The following ANGPT1 variants were observed in gnomAD, a reference collection of about 807,000 sequenced individuals.
ANGPT1 encodes the protein angiopoietin-1.
ANGPT1 carries 17 observed loss-of-function variants against 62.2 expected under a neutral mutation model. The observed-to-expected ratio is 0.27, with a 90% CI of 0.19 to 0.41. The LOEUF is 0.41. Ranked by LOEUF, ANGPT1 falls within the 10% of genes least tolerant of loss-of-function variation. ANGPT1 has a pLI of 1.00. For missense variants in ANGPT1, 478 were observed against 594.9 expected, an observed-to-expected ratio of 0.80 and a Z score of 2.04; for synonymous variants, 199 against 198.9, an observed-to-expected ratio of 1.00 and a Z score of 0.00.
At chr8:107,491,898 C>T (rs1292121465) in intron 1 of ANGPT1, among the ~76,000 whole-genome samples, 1 of 152,080 alleles carries the variant, frequency 6.6e-6, no homozygotes, top group Non-Finnish European at 1.5e-5. Flanking sequence ...TGAAATGGTA[C>T]AGTCAGGGGT....
intron 8 of ANGPT1, among the ~76,000 whole-genome samples, chr8:107,258,791 T>C (rs1488700311): frequency 6.6e-6 from 1 of 152,214 alleles, no homozygotes; most frequent in Non-Finnish European, 1.5e-5. Context: ...CATCTCTTTG[T>C]TCCATGCTGG....
At chr8:107,341,991 C>A (rs1356770539) in intron 2 of ANGPT1, among the ~76,000 whole-genome samples, 1 of 152,108 alleles carries the variant, frequency 6.6e-6, no homozygotes, top group East Asian at 1.9e-4. Context: ...TCTCTCCCTG[C>A]CCCTGCCCCC....
intron 1 of ANGPT1, among the ~76,000 whole-genome samples, chr8:107,485,042 T>G (rs553914322): frequency 6.6e-6 from 1 of 152,260 alleles, no homozygotes; most frequent in East Asian, 1.9e-4. Flanking sequence ...AACTTAATAG[T>G]TTCCTGCACA....
At chr8:107,333,633 TGTTTGGGATCAGAA>T (rs1451431655) in intron 3 of ANGPT1, among the ~76,000 whole-genome samples, 2 of 152,060 alleles carry the variant, frequency 1.3e-5, no homozygotes, top group Admixed American at 6.5e-5. Flanking sequence ...GGCACAAATA[TGTTTGGGATCAGAA>T]GTCAGATTCC....
At chr8:107,366,850 C>G (rs1816284124) in intron 1 of ANGPT1, among the ~76,000 whole-genome samples, 1 of 151,040 alleles carries the variant, frequency 6.6e-6, no homozygotes, top group Non-Finnish European at 1.5e-5. Flanking sequence ...AATGGCACTA[C>G]AGGTTCTATT....
intron 4 of ANGPT1, among the ~76,000 whole-genome samples, chr8:107,317,693 T>C (rs1405217924): frequency 1.3e-5 from 2 of 151,366 alleles, no homozygotes; most frequent in Admixed American, 6.6e-5. Context: ...TGCAGTGGCG[T>C]GATCTCAGCT....
At chr8:107,342,226 C>A (rs1046873682) in intron 2 of ANGPT1, among the ~76,000 whole-genome samples, 3 of 152,148 alleles carry the variant, frequency 2.0e-5, no homozygotes, top group Non-Finnish European at 4.4e-5. Context: ...GCATATTGCC[C>A]TCAGGCTTGG....
intron 7 of ANGPT1, among the ~76,000 whole-genome samples, chr8:107,273,177 C>T (rs963294097): frequency 5.9e-5 from 9 of 152,024 alleles, no homozygotes; most frequent in South Asian, 2.1e-4. Flanking sequence ...AACAAATTCT[C>T]GGGAGGTAGA....
chr8:107,321,996 T>C lies in ANGPT1; in HGVS notation c.708A>G (p.Gln236=). Reference sequence around the variant, plus strand: ...TGTTGTTGGTGGTAGCTCTGTTTAATTGCTTTTCCAGCTCCTGGATTATAT... The same window carrying C: ...TGTTGTTGGTGGTAGCTCTGTTTAACTGCTTTTCCAGCTCCTGGATTATAT... ...QTYIIQELEK[Q]LNRATTNNSV... is the part of the protein sequence containing the mutation. The change falls in exon 4 of 9, where the codon CAA becomes CAG. Residue 236 remains glutamine (Q), a synonymous_variant. Transcript: ENST00000517746. 6.2e-7 allele frequency: 1 copy of C among 1,614,026 alleles called. No individual in the cohort carries two copies. The highest frequency in any genetic ancestry group is 8.5e-7 in the Non-Finnish European group (1 of 1,179,916).
At chr8:107,332,519 C>T (rs1207701479) in intron 3 of ANGPT1, among the ~76,000 whole-genome samples, 3 of 152,154 alleles carry the variant, frequency 2.0e-5, no homozygotes, top group Non-Finnish European at 2.9e-5. Flanking sequence ...AGAAGTGAAT[C>T]TCATGAGGCC....
intron 1 of ANGPT1, among the ~76,000 whole-genome samples, chr8:107,418,324 C>T (rs1433793176): frequency 6.6e-6 from 1 of 152,108 alleles, no homozygotes; most frequent in Non-Finnish European, 1.5e-5. Flanking sequence ...AAGCCAAAAG[C>T]ATTACAGCTG....
intron 1 of ANGPT1, among the ~76,000 whole-genome samples, chr8:107,381,080 C>A (rs1209565761): frequency 6.6e-6 from 1 of 152,194 alleles, no homozygotes; most frequent in Non-Finnish European, 1.5e-5. Context: ...GTTTTAACTC[C>A]ATCTCCTAGT....
chr8:107,333,916 TAAAG>T (rs1815483480), intron 3 of ANGPT1, among the ~76,000 whole-genome samples: 3 of 118,870 alleles, frequency 2.5e-5, no homozygotes, highest in South Asian at 2.6e-4. Flanking sequence ...TTTTAAGAAA[TAAAG>T]AGAAAGAAAG....
intron 7 of ANGPT1, among the ~76,000 whole-genome samples, chr8:107,270,046 T>A (rs1346664793): frequency 1.3e-5 from 2 of 152,020 alleles, no homozygotes; most frequent in Admixed American, 6.6e-5. Context: ...TGAGTTCTAT[T>A]ATGGAAGAAC....
intron 1 of ANGPT1, among the ~76,000 whole-genome samples, chr8:107,409,495 T>A (rs1052164162): frequency 6.6e-6 from 1 of 152,122 alleles, no homozygotes; most frequent in African/African-American, 2.4e-5. Flanking sequence ...AGTCTGTTCA[T>A]CTCTGCTCAA....
chr8:107,348,701 G>A (rs1353987081), intron 1 of ANGPT1, among the ~76,000 whole-genome samples: 2 of 152,144 alleles, frequency 1.3e-5, no homozygotes, highest in Admixed American at 6.5e-5. Context: ...AGAAAAAGAG[G>A]GTAGGACAGA....
Position 107,303,370 on chromosome 8 carries a change from G to GAAAAA in ANGPT1, c.809-4_809-3insTTTTT. 7.1e-7 allele frequency: 1 copy of GAAAAA among 1,406,092 alleles called. No homozygotes were observed. The highest frequency in any genetic ancestry group is 2.3e-5 in the African/African-American group (1 of 44,254). The allele number at this position is 1,406,092 out of a possible 1,614,324, so 87.1% of individuals were successfully genotyped here. Reference sequence around the variant, plus strand: ...TCTTTTTCCTCCCTTTAGTAAAACTGCAAAAAAAAAAAAAAAGATTGCAAT... The same window carrying GAAAAA: ...TCTTTTTCCTCCCTTTAGTAAAACTGAAAAACAAAAAAAAAAAAAAAGATTGCAAT... On this transcript the variant is annotated splice_polypyrimidine_tract_variant and splice_region_variant and intron_variant, in intron 4 of 8. Transcript: ENST00000517746.
intron 8 of ANGPT1, among the ~76,000 whole-genome samples, chr8:107,259,313 G>A (rs569184189): frequency 6.6e-6 from 1 of 152,232 alleles, no homozygotes; most frequent in South Asian, 2.1e-4. Context: ...TGAAAAAACT[G>A]CTAGCTTCTA....
At chr8:107,306,465 T>C (rs559976414) in intron 4 of ANGPT1, among the ~76,000 whole-genome samples, 7 of 152,276 alleles carry the variant, frequency 4.6e-5, no homozygotes, top group African/African-American at 1.7e-4. Context: ...AAACGATTTA[T>C]ATGTCAACAT....
Sources: allele counts gnomAD v4.1 joint callset (sites outside exome capture counted in the v4.1 genomes callset), GRCh38; gene constraint gnomAD v4.1.1; transcripts MANE v1.5; gene names NCBI Gene and HGNC (gene_info 2026-07-23, HGNC 2026-07-21).